KIAA1549: variants seen among roughly 807,000 people sequenced by gnomAD.
KIAA1549 encodes the protein KIAA1549.
A neutral mutation model predicts 156.4 loss-of-function variants in KIAA1549; 70 were observed. That is an observed-to-expected ratio of 0.45 (90% CI 0.37 to 0.55). KIAA1549 has a LOEUF of 0.55. Among genes scored for constraint, KIAA1549 ranks in the 20% least tolerant of loss-of-function variants. KIAA1549 has a pLI of 0.00. For missense variants in KIAA1549, 2,428 were observed against 2,540.9 expected, an observed-to-expected ratio of 0.96 and a Z score of 0.96; for synonymous variants, 1,103 against 1,066.4, an observed-to-expected ratio of 1.03 and a Z score of -0.67.
intron 4 of KIAA1549, among the ~76,000 whole-genome samples, chr7:138,910,737 A>G (rs1482075693): frequency 8.8e-6 from 1 of 114,074 alleles, no homozygotes; most frequent in Non-Finnish European, 1.7e-5. Context: ...ACAGGGTTTC[A>G]TCATGCTGCC....
chr7:138,959,732 A>G (rs1457405794), intron 1 of KIAA1549, among the ~76,000 whole-genome samples: 2 of 152,240 alleles, frequency 1.3e-5, no homozygotes, highest in Admixed American at 1.3e-4. Context: ...TTAACTGTCA[A>G]AGAGGTGTAA....
chr7:138,896,821 G>T (rs183407927), intron 9 of KIAA1549, among the ~76,000 whole-genome samples: 1 of 152,068 alleles, frequency 6.6e-6, no homozygotes, highest in South Asian at 2.1e-4. Context: ...GGCTGGTCTT[G>T]AACTCCTGAG....
At chr7:138,912,274 G>T (rs1329374187) in intron 3 of KIAA1549, 98 bp downstream of exon 3, 2 of 834,844 alleles carry the variant, frequency 2.4e-6, no homozygotes, top group Non-Finnish European at 4.1e-6. Flanking sequence ...AGATGAAATA[G>T]AATGATTCCA....
intron 1 of KIAA1549, among the ~76,000 whole-genome samples, chr7:138,976,066 CCTTAT>C (rs1161892258): frequency 1.3e-5 from 2 of 152,090 alleles, no homozygotes; most frequent in Non-Finnish European, 2.9e-5. Context: ...TTTTATTTTA[CCTTAT>C]CTTATTTTAT....
chr7:138,840,041 C>T (rs956561911), intron 19 of KIAA1549, 92 bp downstream of exon 19: 63 of 1,150,326 alleles, frequency 5.5e-5, no homozygotes, highest in South Asian at 8.4e-5. Flanking sequence ...CCGCCCGCCT[C>T]GGCCTCCCAA....
intron 5 of KIAA1549, among the ~76,000 whole-genome samples, chr7:138,908,037 C>T (rs966691298): frequency 2.6e-5 from 4 of 152,070 alleles, no homozygotes; most frequent in Admixed American, 2.0e-4. Context: ...CCCAGCGCTC[C>T]GACGAATTTT....
intron 2 of KIAA1549, 47 bp from the exon 3 acceptor site, chr7:138,912,507 A>G (rs377560208): frequency 1.9e-4 from 275 of 1,468,104 alleles, no homozygotes; most frequent in Admixed American, 5.0e-4. Context: ...GTCATTATGA[A>G]TAACAAACAC....
Position 138,836,793 on chromosome 7 carries a change from A to G in KIAA1549, c.*1113T>C, listed in dbSNP as rs1809720719. ...CCTTGGGGTCTCAAAGCTCTTTTAC[A>G]TTTCTTGATTCATTACAGAGAGGCT... On this transcript the variant is annotated 3_prime_UTR_variant, in exon 20 of 20. Coordinates refer to ENST00000422774, the MANE Select transcript of KIAA1549 (RefSeq NM_001164665.2). 1 of 224,202 alleles carries G rather than the reference A, an allele frequency of 4.5e-6. No individual in the cohort carries two copies. The highest frequency in any genetic ancestry group is 8.9e-6 in the Non-Finnish European group (1 of 112,448). The allele number at this position is 224,202 out of a possible 1,614,324, so 13.9% of individuals were successfully genotyped here.
intron 7 of KIAA1549, 114 bp from the exon 8 acceptor site, chr7:138,903,850 T>TGTGC: frequency 2.7e-6 from 1 of 367,928 alleles, no homozygotes; most frequent in Non-Finnish European, 4.1e-6. Flanking sequence ...TGTGTGTGTG[T>TGTGC]GTGCGCGCGC....
chr7:138,875,952 G>A (rs780898887), intron 12 of KIAA1549, among the ~76,000 whole-genome samples: 2 of 151,608 alleles, frequency 1.3e-5, no homozygotes, highest in Non-Finnish European at 1.5e-5. Flanking sequence ...CACACCACCA[G>A]GCCTGGCTAA....
In KIAA1549 at chr7:138,855,475, A is replaced by T. The variant is rs1305538247; in HGVS notation, c.5248-3206T>A. Among the ~76,000 whole-genome samples the T allele has an allele frequency of 2.0e-5, 3 of 152,166 alleles. No individual in the cohort carries two copies. In the East Asian group the frequency reaches 5.8e-4, roughly 29 times the overall value. ...TGAGAGATGACGGTGGCTCCAACTG[A>T]TGTCATGGTGTGGATGGATTTAAGA... is the stretch of plus-strand genomic sequence containing the variant. On this transcript the variant is annotated intron_variant, in intron 16 of 19. Coordinates refer to ENST00000422774, the MANE Select transcript of KIAA1549 (RefSeq NM_001164665.2).
intron 12 of KIAA1549, among the ~76,000 whole-genome samples, chr7:138,872,262 A>AATTT (rs1261630814): frequency 6.6e-6 from 1 of 152,116 alleles, no homozygotes; most frequent in East Asian, 1.9e-4. Context: ...TCCTACTTTA[A>AATTT]AAACAGTTGA....
chr7:138,934,988 C>T (rs1469816923), intron 1 of KIAA1549, among the ~76,000 whole-genome samples: 3 of 152,208 alleles, frequency 2.0e-5, no homozygotes, highest in African/African-American at 7.2e-5. Context: ...GAAAACAGAA[C>T]TGGGCGCTGT....
chr7:138,900,395 G>A (rs1811807770), intron 8 of KIAA1549, among the ~76,000 whole-genome samples: 1 of 152,188 alleles, frequency 6.6e-6, no homozygotes, highest in Admixed American at 6.5e-5. Flanking sequence ...CTACTGAAAA[G>A]GAAGTAGATT....
intron 1 of KIAA1549, among the ~76,000 whole-genome samples, chr7:138,945,593 T>C (rs1230863765): frequency 1.3e-5 from 2 of 152,252 alleles, no homozygotes; most frequent in African/African-American, 4.8e-5. Context: ...TCTGCACTCA[T>C]ATTTCATCTA....
chr7:138,909,990 A>G (rs914101194), intron 4 of KIAA1549, among the ~76,000 whole-genome samples: 32 of 152,268 alleles, frequency 2.1e-4, no homozygotes, highest in African/African-American at 7.2e-4. Flanking sequence ...CTTCATATAC[A>G]TGTTTAAAGT....
chr7:138,866,511 C>T (rs527616335), intron 15 of KIAA1549, among the ~76,000 whole-genome samples: 4 of 152,310 alleles, frequency 2.6e-5, no homozygotes, highest in Non-Finnish European at 4.4e-5. Context: ...ACCAGGCTGG[C>T]TCTGTGAGTG....
chr7:138,915,647 C>G (rs1812296485), intron 2 of KIAA1549, among the ~76,000 whole-genome samples: 1 of 152,042 alleles, frequency 6.6e-6, no homozygotes. Flanking sequence ...CCTTCTCCCC[C>G]TTCCACATTC....
intron 17 of KIAA1549, among the ~76,000 whole-genome samples, chr7:138,848,625 C>T (rs1810148548): frequency 6.6e-6 from 1 of 152,144 alleles, no homozygotes; most frequent in Admixed American, 6.5e-5. Flanking sequence ...CCCTCAATTT[C>T]TTTTCCTGCA....
Sources: gnomAD v4.1 joint callset for allele counts (sites outside exome capture counted in the v4.1 genomes callset) on GRCh38, gnomAD v4.1.1 for gene constraint, MANE v1.5 for transcripts, NCBI Gene and HGNC (gene_info 2026-07-23, HGNC 2026-07-21) for gene names.